HEATR1: variants seen among roughly 807,000 people sequenced by gnomAD.
HEATR1 encodes the protein HEAT repeat-containing protein 1.
In HEATR1, 77 loss-of-function variants were observed where a neutral mutation model predicts 248.2. The observed-to-expected ratio is 0.31, with a 90% CI of 0.26 to 0.37. The LOEUF is 0.37. Ranked by LOEUF, HEATR1 falls within the 10% of genes least tolerant of loss-of-function variation. The probability of loss-of-function intolerance (pLI) is 1.00; values close to 1 mark genes in which losing one functional copy is unlikely to be tolerated. For synonymous variants in HEATR1, 897 were observed against 923.1 expected, an observed-to-expected ratio of 0.97 and a Z score of 0.51; for missense variants, 2,420 against 2,504.9, an observed-to-expected ratio of 0.97 and a Z score of 0.72.
chr1:236,602,999 T>A, intron 3 of HEATR1, 161 bp downstream of exon 3: 1 of 601,146 alleles, frequency 1.7e-6, no homozygotes, highest in Non-Finnish European at 2.9e-6. Flanking sequence ...CAAAAAAGAA[T>A]TTAAAGGCAG....
At chr1:236,585,608 A>G (rs1663864413) in intron 16 of HEATR1, among the ~76,000 whole-genome samples, 1 of 152,188 alleles carries the variant, frequency 6.6e-6, no homozygotes. Flanking sequence ...TATGGGTGTG[A>G]TATGGATCCA....
At chr1:236,564,348 C>T in intron 32 of HEATR1, 150 bp downstream of exon 32, 1 of 638,558 alleles carries the variant, frequency 1.6e-6, no homozygotes, top group Non-Finnish European at 2.6e-6. Context: ...AACGGCTTTT[C>T]ATGGTGAAAC....
At chr1:236,570,051 GGCC>G (rs1394919174) in intron 28 of HEATR1, among the ~76,000 whole-genome samples, 1 of 152,206 alleles carries the variant, frequency 6.6e-6, no homozygotes, top group Non-Finnish European at 1.5e-5. Context: ...CACTTTGGGA[GGCC>G]GAGGCGGGCG....
chr1:236,575,771 T>C (rs1663548115), intron 22 of HEATR1, among the ~76,000 whole-genome samples: 1 of 152,232 alleles, frequency 6.6e-6, no homozygotes, highest in Non-Finnish European at 1.5e-5. Context: ...TGCTTTCTTT[T>C]GTAACACAAG....
In HEATR1 at chr1:236,590,922, G is replaced by A; in HGVS notation, c.1455C>T (p.Leu485=). The change falls in exon 12 of 45, where the codon CTC becomes CTT. Residue 485 remains leucine, a synonymous_variant. Transcript: ENST00000366582. ...CAGGAGCAAGTGGATGATTCAGGCTGAGCATCAAAGAAGTATCAGAATCTG... is the reference window on the plus strand; with the variant it reads ...CAGGAGCAAGTGGATGATTCAGGCTAAGCATCAAAGAAGTATCAGAATCTG... The part of the protein sequence containing the change: ...FLADSDTSLM[L]SLNHPLAPVR... 1 of 1,511,832 alleles carries A rather than the reference G, an allele frequency of 6.6e-7. No homozygotes were observed. Among genetic ancestry groups the A allele is most frequent in the Non-Finnish European group, 8.9e-7 (1 of 1,121,424 alleles). 93.7% of individuals were successfully genotyped at this position (1,511,832 alleles called of 1,614,324 possible).
At chr1:236,567,599 C>T (rs1325484528) in intron 29 of HEATR1, among the ~76,000 whole-genome samples, 2 of 152,210 alleles carry the variant, frequency 1.3e-5, no homozygotes, top group African/African-American at 4.8e-5. Flanking sequence ...GTCCCAGCTA[C>T]TCAGGAGGCT....
chr1:236,569,176 A>AT lies in HEATR1; in HGVS notation c.3949-53dup, dbSNP rs752795754. On this transcript the variant is annotated intron_variant, in intron 28 of 44. Coordinates refer to ENST00000366582, the MANE Select transcript of HEATR1 (RefSeq NM_018072.6). The stretch of plus-strand genomic sequence containing the variant: ...TTTTTATTTCTGTTAATTTCTACTA[A>AT]TTTTTTTTTCAAGAGATAGCGTCTC... 1,501 of 1,441,814 alleles carry AT rather than the reference A, an allele frequency of 1.0e-3. 1 individual carries two copies. Among genetic ancestry groups the AT allele is most frequent in the East Asian group, 1.5e-3 (61 of 40,290 alleles). The allele number at this position is 1,441,814 out of a possible 1,614,324, so 89.3% of individuals were successfully genotyped here. A position where few individuals can be genotyped will look rare whatever the true frequency, so the allele number is the denominator to read the frequency against.
chr1:236,563,150 G>A (rs778161860), intron 32 of HEATR1, among the ~76,000 whole-genome samples: 42 of 152,336 alleles, frequency 2.8e-4, no homozygotes, highest in African/African-American at 9.9e-4. Flanking sequence ...GTCCCTGACT[G>A]TAGCAGGCAC....
At chr1:236,593,860 G>A (rs1664106504) in intron 9 of HEATR1, 152 bp downstream of exon 9, 1 of 536,352 alleles carries the variant, frequency 1.9e-6, no homozygotes, top group Non-Finnish European at 3.2e-6. Flanking sequence ...AATGCTGCCA[G>A]TTACTGGATT....
intron 10 of HEATR1, 125 bp downstream of exon 10, chr1:236,592,398 T>C: frequency 1.6e-6 from 1 of 616,260 alleles, no homozygotes; most frequent in Non-Finnish European, 2.9e-6. Flanking sequence ...TCGCCCCTTC[T>C]TGAAGAACAA....
chr1:236,582,627 T>C, intron 19 of HEATR1, 109 bp downstream of exon 19: 1 of 1,110,496 alleles, frequency 9.0e-7, no homozygotes, highest in South Asian at 1.4e-5. Context: ...GGTATTGAAC[T>C]CCTGACCTCA....
chr1:236,554,624 C>T lies in HEATR1; in HGVS notation c.6052G>A (p.Ala2018Thr). 1 of 1,612,388 alleles carries T rather than the reference C, an allele frequency of 6.2e-7. No homozygotes were observed. ...TGATCCACCAGAGGCATCATCAAGG[C>T]TTCTGCTCTCTCTTTACTTATAAAA... ...QHFISKERAE[A>T]LMMPLVDQLE... is the part of the protein sequence containing the mutation. The change falls in exon 42 of 45, where the codon GCC becomes ACC. Residue 2018 changes from alanine (A) to threonine (T), a missense_variant. Physicochemically the swap from Ala to Thr is moderately conservative, Grantham distance 58. Coordinates refer to ENST00000366582, the MANE Select transcript of HEATR1 (RefSeq NM_018072.6).
intron 3 of HEATR1, among the ~76,000 whole-genome samples, chr1:236,601,064 C>T (rs1282863097): frequency 6.6e-6 from 1 of 152,136 alleles, no homozygotes; most frequent in Non-Finnish European, 1.5e-5. Context: ...GTATTCCTTA[C>T]ATTAATGATC....
chr1:236,552,334 C>T, intron 43 of HEATR1: 1 of 327,386 alleles, frequency 3.1e-6, no homozygotes, highest in Non-Finnish European at 5.5e-6. Flanking sequence ...AACTGTGTCC[C>T]AGGACTGCAA....
At chr1:236,570,276 G>A (rs988037097) in intron 28 of HEATR1, among the ~76,000 whole-genome samples, 3 of 152,182 alleles carry the variant, frequency 2.0e-5, no homozygotes, top group Non-Finnish European at 2.9e-5. Flanking sequence ...GCAACAGAGC[G>A]AGACTCCGTC....
At chr1:236,594,867 A>C (rs1276451550) in intron 8 of HEATR1, among the ~76,000 whole-genome samples, 1 of 152,110 alleles carries the variant, frequency 6.6e-6, no homozygotes, top group Non-Finnish European at 1.5e-5. Flanking sequence ...GCACAAACAC[A>C]GTTCCCTGTA....
rs1162496214 is a variant in HEATR1, at chr1:236,590,890, A to T, written c.1487T>A (p.Ile496Asn). Residue 496 changes from isoleucine to asparagine, a missense_variant, in exon 12 of 45, where the codon ATT becomes AAT. Ile to Asn is a moderately radical substitution (Grantham distance 149). Transcript: ENST00000366582. ...CTTTTTCAAATGATTCATGGCCAGA[A>T]TTCTCACAGGAGCAAGTGGATGATT... ...SLNHPLAPVR[I>N]LAMNHLKKIM... is the part of the protein sequence containing the mutation. The T allele has an allele frequency of 3.9e-6, 6 of 1,522,404 alleles. No individual in the cohort carries two copies. The highest frequency in any genetic ancestry group is 5.3e-6 in the Non-Finnish European group (6 of 1,126,752). The allele number at this position is 1,522,404 out of a possible 1,614,324, so 94.3% of individuals were successfully genotyped here.
rs756800845 is a variant in HEATR1, at chr1:236,574,697, C to T, written c.3291G>A (p.Ala1097=). 9.9e-6 allele frequency: 16 copies of T among 1,613,656 alleles called. No homozygotes were observed. Among genetic ancestry groups the T allele is most frequent in the African/African-American group, 4.0e-5 (3 of 74,860 alleles). ...CTGTGATCTGAATGGTTGGCATTCC[C>T]GCGTAAAGTTCCTTTGTTGTGTGCA... is the stretch of plus-strand genomic sequence containing the variant. ...KAVHTTKELY[A]GMPTIQITAL... The change falls in exon 23 of 45, where the codon GCG becomes GCA. Residue 1097 remains alanine (A), a synonymous_variant. Transcript: ENST00000366582.
Position 236,572,515 on chromosome 1 carries a change from A to C in HEATR1, c.3603T>G (p.Gly1201=). ...TGAGAGTTACTCTTTGCCAGTAAGA[A>C]CCTCCAACTTCCTGAACAGATTCTA... The part of the protein sequence containing the change: ...QDLESVQEVG[G]SYWQRVTLIL... The change falls in exon 26 of 45, where the codon GGT becomes GGG. Residue 1201 remains glycine (G), a synonymous_variant. Coordinates refer to ENST00000366582, the MANE Select transcript of HEATR1 (RefSeq NM_018072.6). The C allele has an allele frequency of 1.2e-6, 2 of 1,614,028 alleles. No individual in the cohort carries two copies. The highest frequency in any genetic ancestry group is 1.7e-6 in the Non-Finnish European group (2 of 1,179,950).
Sources: gnomAD v4.1 joint callset for allele counts (sites outside exome capture counted in the v4.1 genomes callset) on GRCh38, gnomAD v4.1.1 for gene constraint, MANE v1.5 for transcripts, NCBI Gene and HGNC (gene_info 2026-07-23, HGNC 2026-07-21) for gene names.